Variants in ZFP82 observed in about 807,000 individuals in gnomAD.
ZFP82 encodes zinc finger protein 82 homolog.
In ZFP82, 30 loss-of-function variants were observed where a neutral mutation model predicts 54.0. The ratio of observed to expected loss-of-function variants is 0.56; its 90% CI spans 0.42 to 0.75. ZFP82 has a LOEUF of 0.75. ZFP82 is among the 30% of genes least tolerant of loss of function. The pLI, the probability that ZFP82 is intolerant of heterozygous loss-of-function variation, is 0.00. For missense variants in ZFP82, 500 were observed against 636.8 expected (o/e 0.79, Z 2.31); for synonymous variants, 194 against 209.5 (o/e 0.93, Z 0.64).
At chr19:36,384,878 A>C (rs2032098537), downstream of ZFP82, among the ~76,000 whole-genome samples, 1 of 152,206 alleles carries the variant, frequency 6.6e-6, no homozygotes. Flanking sequence ...TTAATGACTA[A>C]TTAATGACAT....
intron 4 of ZFP82, among the ~76,000 whole-genome samples, chr19:36,403,892 G>A (rs2032437936): frequency 6.6e-6 from 1 of 151,978 alleles, no homozygotes; most frequent in South Asian, 2.1e-4. Context: ...TATCATTTTT[G>A]TAGTCTTTTA....
downstream of ZFP82, among the ~76,000 whole-genome samples, chr19:36,384,901 A>G (rs889355617): frequency 5.3e-5 from 8 of 152,208 alleles, no homozygotes; most frequent in Non-Finnish European, 1.2e-4. Flanking sequence ...GCCCAATCTG[A>G]GCAAACTGGA....
At chr19:36,404,107 G>A (rs948095425) in intron 4 of ZFP82, among the ~76,000 whole-genome samples, 4 of 152,116 alleles carry the variant, frequency 2.6e-5, no homozygotes, top group Admixed American at 1.3e-4. Context: ...ATGGAAACTT[G>A]ATTGGTTGTT....
chr19:36,404,433 A>C (rs536266639), intron 4 of ZFP82, among the ~76,000 whole-genome samples: 3 of 152,198 alleles, frequency 2.0e-5, no homozygotes, highest in Non-Finnish European at 4.4e-5. Flanking sequence ...TATGGTTCCA[A>C]CATGACAGCT....
intron 1 of ZFP82, among the ~76,000 whole-genome samples, chr19:36,415,728 TGAA>T (rs1010529304): frequency 2.0e-5 from 3 of 152,282 alleles, no homozygotes; most frequent in Admixed American, 6.5e-5. Context: ...AACAGAGTTG[TGAA>T]GAAGGAATAT....
At chr19:36,406,822 G>C (rs913239876) in intron 3 of ZFP82, among the ~76,000 whole-genome samples, 4 of 151,994 alleles carry the variant, frequency 2.6e-5, no homozygotes, top group African/African-American at 9.7e-5. Context: ...TTTGTCTTTT[G>C]ACTAATAATT....
chr19:36,409,857 C>A lies in ZFP82; in HGVS notation c.-68G>T. ...CTTGCCAGGAGAAGCACCGAGTCCA[C>A]AGAGGCTGATCTAGGGAGAGGAAAA... On this transcript the variant is annotated 5_prime_UTR_variant, in exon 2 of 5. Coordinates refer to ENST00000392161, the MANE Select transcript of ZFP82 (RefSeq NM_133466.4). The A allele has an allele frequency of 6.4e-7, 1 of 1,571,166 alleles. No individual in the cohort carries two copies. Among genetic ancestry groups the A allele is most frequent in the South Asian group, 1.1e-5 (1 of 90,074 alleles).
chr19:36,398,268 G>A (rs1331990864), intron 4 of ZFP82, among the ~76,000 whole-genome samples: 1 of 152,240 alleles, frequency 6.6e-6, no homozygotes, highest in African/African-American at 2.4e-5. Context: ...GCTGGGCGCA[G>A]TGGCTCACAC....
At chr19:36,383,953 C>T (rs888296884), downstream of ZFP82, 4 of 152,006 alleles carry the variant, frequency 2.6e-5, no homozygotes, top group African/African-American at 9.7e-5. Flanking sequence ...TCACTATTAA[C>T]CAGGAAAATA....
At chr19:36,384,132 T>C (rs1379596547), downstream of ZFP82, 1 of 152,190 alleles carries the variant, frequency 6.6e-6, no homozygotes, top group Non-Finnish European at 1.5e-5. Context: ...TTTTGATAAA[T>C]ACCTTAGAGA....
intron 1 of ZFP82, among the ~76,000 whole-genome samples, chr19:36,411,282 G>A (rs577602893): frequency 2.0e-5 from 3 of 151,958 alleles, no homozygotes; most frequent in African/African-American, 7.2e-5. Flanking sequence ...CCATAGAGTC[G>A]GCTTTCCTTC....
At position 36,394,013 on chromosome 19, in the gene ZFP82, G is replaced by T; in HGVS notation, c.327C>A (p.Asn109Lys). The change falls in exon 5 of 5, where the codon AAC (asparagine) becomes AAA (lysine). Residue 109 changes from asparagine (N) to lysine (K), a missense_variant. Physicochemically the swap from Asn to Lys is moderately conservative, Grantham distance 94. Transcript: ENST00000392161. ...SQWKIMERIE[N>K]HGLKGLILKN... ...TTAAAATGAGACCCTTAAGGCCATG[G>T]TTTTCAATTCTTTCCATTATCTTCC... The T allele has an allele frequency of 6.2e-7, 1 of 1,610,588 alleles. No individual in the cohort carries two copies. The highest frequency in any genetic ancestry group is 8.5e-7 in the Non-Finnish European group (1 of 1,179,220).
At chr19:36,413,225 A>G (rs1474183559) in intron 1 of ZFP82, among the ~76,000 whole-genome samples, 1 of 152,144 alleles carries the variant, frequency 6.6e-6, no homozygotes, top group Non-Finnish European at 1.5e-5. Context: ...AGCCTCGCCA[A>G]CATGACGAAA....
At chr19:36,396,508 G>A (rs897715592) in intron 4 of ZFP82, among the ~76,000 whole-genome samples, 1 of 151,924 alleles carries the variant, frequency 6.6e-6, no homozygotes, top group Non-Finnish European at 1.5e-5. Context: ...ACACAAAAAT[G>A]AGCTGGGCGG....
In ZFP82 at chr19:36,411,035, A is replaced by T. The variant is rs946858306; in HGVS notation, c.-78-1168T>A. 4.6e-5 allele frequency among the ~76,000 whole-genome samples: 7 copies of T among 152,050 alleles called. No individual in the cohort carries two copies. The East Asian group carries it at 9.7e-4, about 21-fold the overall frequency. ...TGGTAAAACCCTGTCTCTACTAAAA[A>T]TACAAAAATTAGCTGGGTGTGGTGG... On this transcript the variant is annotated intron_variant, in intron 1 of 4. Transcript: ENST00000392161.
chr19:36,410,877 C>T (rs1200510423), intron 1 of ZFP82, among the ~76,000 whole-genome samples: 1 of 152,050 alleles, frequency 6.6e-6, no homozygotes, highest in African/African-American at 2.4e-5. Context: ...TGCAATGGAT[C>T]AGAAATTCAC....
At position 36,390,070 on chromosome 19, in the gene ZFP82, C is replaced by G. The variant is rs138187718; in HGVS notation, c.*2671G>C. Reference sequence around the variant, plus strand: ...CCCCCAATAAAAGCTCTGGGCCATGCTGTGCTCTCACCCTCTGCCTCCTGA... The same window carrying G: ...CCCCCAATAAAAGCTCTGGGCCATGGTGTGCTCTCACCCTCTGCCTCCTGA... On this transcript the variant is annotated 3_prime_UTR_variant, in exon 5 of 5. Transcript: ENST00000392161. Among the ~76,000 whole-genome samples, 151 of 152,310 alleles carry G rather than the reference C, an allele frequency of 9.9e-4. No individual in the cohort carries two copies. The highest frequency in any genetic ancestry group is 3.4e-3 in the African/African-American group (142 of 41,564).
At chr19:36,399,537 C>T (rs1050339763) in intron 4 of ZFP82, among the ~76,000 whole-genome samples, 7 of 152,174 alleles carry the variant, frequency 4.6e-5, no homozygotes, top group Admixed American at 3.9e-4. Context: ...CCTGGGGATA[C>T]AGCCACAGTC....
intron 4 of ZFP82, among the ~76,000 whole-genome samples, chr19:36,396,517 G>A (rs1487961127): frequency 6.6e-6 from 1 of 152,004 alleles, no homozygotes; most frequent in Non-Finnish European, 1.5e-5. Context: ...TGAGCTGGGC[G>A]GGGTGTCAGG....
Sources: gnomAD v4.1 joint callset for allele counts (sites outside exome capture counted in the v4.1 genomes callset) on GRCh38, gnomAD v4.1.1 for gene constraint, MANE v1.5 for transcripts, NCBI Gene and HGNC (gene_info 2026-07-23, HGNC 2026-07-21) for gene names.